MAP2K1: variants seen among roughly 807,000 people sequenced by gnomAD.
The protein encoded by MAP2K1 is mitogen-activated protein kinase kinase 1.
In MAP2K1, 16 loss-of-function variants were observed where a neutral mutation model predicts 46.3. That is an observed-to-expected ratio of 0.35 (90% confidence interval 0.23 to 0.52). The LOEUF (loss-of-function observed/expected upper bound fraction) is 0.52, where lower values mean the gene tolerates loss of function less well. Among genes scored for constraint, MAP2K1 ranks in the 20% least tolerant of loss-of-function variants. The probability of loss-of-function intolerance (pLI) is 0.94; values close to 1 mark genes in which losing one functional copy is unlikely to be tolerated. For missense variants in MAP2K1, 263 were observed against 497.1 expected (o/e 0.53, Z 4.48); for synonymous variants, 183 against 185.6 (o/e 0.99, Z 0.11).
At chr15:66,434,700 G>A (rs1197805064) in intron 1 of MAP2K1, among the ~76,000 whole-genome samples, 1 of 152,180 alleles carries the variant, frequency 6.6e-6, no homozygotes, top group Non-Finnish European at 1.5e-5. Flanking sequence ...GGGTTTTAAA[G>A]CAAATTAAGG....
Position 66,470,288 on chromosome 15 carries a change from G to C in MAP2K1, c.569-11467G>C, listed in dbSNP as rs149597663. On this transcript the variant is annotated intron_variant, in intron 5 of 10. Transcript: ENST00000307102. ...ATCACACAACCTATACAAGTACTGA[G>C]AGCTCTAATGGTAAGGAGAAATTAA... Among the ~76,000 whole-genome samples the C allele has an allele frequency of 4.1e-4, 63 of 152,084 alleles. No individual in the cohort carries two copies. The East Asian group carries it at 7.2e-3, about 17-fold the overall frequency.
intron 10 of MAP2K1, 92 bp from the exon 11 acceptor site, chr15:66,490,410 T>G: frequency 1.1e-6 from 1 of 938,698 alleles, no homozygotes. Context: ...CAGCACAAGC[T>G]CTAGACCTGA....
chr15:66,407,441 A>G (rs1386071669), intron 1 of MAP2K1, among the ~76,000 whole-genome samples: 1 of 152,160 alleles, frequency 6.6e-6, no homozygotes, highest in Non-Finnish European at 1.5e-5. Flanking sequence ...AAAGTGTGAG[A>G]TCTGAGCTCT....
chr15:66,444,938 C>T, intron 5 of MAP2K1: 1 of 535,292 alleles, frequency 1.9e-6, no homozygotes, highest in Non-Finnish European at 3.4e-6. Context: ...TCATAGTCAC[C>T]CTGGAAGCCC....
intron 3 of MAP2K1, among the ~76,000 whole-genome samples, 198 bp from the exon 4 acceptor site, chr15:66,443,082 A>ATTTTTTTTTTTTTTTTTTTTTTTTTTTT (rs398027713): frequency 1.1e-5 from 1 of 91,064 alleles, no homozygotes; most frequent in African/African-American, 4.5e-5. Context: ...TTGTGTGTGT[A>ATTTTTTTTTTTTTTTTTTTTTTTTTTTT]TTTTTTTTTT....
chr15:66,419,797 A>G (rs1315680932), intron 1 of MAP2K1, among the ~76,000 whole-genome samples: 1 of 152,094 alleles, frequency 6.6e-6, no homozygotes, highest in Non-Finnish European at 1.5e-5. Context: ...TTTGATTCCC[A>G]GGGGGTGTTT....
At chr15:66,488,503 A>G (rs1439167063) in intron 8 of MAP2K1, among the ~76,000 whole-genome samples, 3 of 152,148 alleles carry the variant, frequency 2.0e-5, no homozygotes, top group Non-Finnish European at 2.9e-5. Context: ...GCCCAGGTAC[A>G]TAAGTGGGCC....
intron 5 of MAP2K1, among the ~76,000 whole-genome samples, chr15:66,458,751 A>C (rs566956459): frequency 6.6e-6 from 1 of 152,254 alleles, no homozygotes; most frequent in East Asian, 1.9e-4. Context: ...GAACTCCTGG[A>C]CTCAAGTAAT....
In MAP2K1 at chr15:66,420,916, T is replaced by TACATATATATACAC. The variant is rs1299126762; in HGVS notation, c.81-14106_81-14105insTATATACACACATA. On this transcript the variant is annotated intron_variant, in intron 1 of 10. Transcript: ENST00000307102. ...ATACACATACATACATACACACACA[T>TACATATATATACAC]ACATACATATATATACACACATACA... Among the ~76,000 whole-genome samples the TACATATATATACAC allele has an allele frequency of 3.2e-4, 26 of 81,824 alleles. No homozygotes were observed. In the East Asian group the frequency reaches 0.012, roughly 38 times the overall value. The allele number at this position is 81,824 out of a possible 152,430, so 53.7% of individuals were successfully genotyped here.
intron 5 of MAP2K1, among the ~76,000 whole-genome samples, chr15:66,481,376 C>T (rs1291043111): frequency 6.6e-6 from 1 of 152,196 alleles, no homozygotes; most frequent in South Asian, 2.1e-4. Flanking sequence ...CTGCCTCCTT[C>T]ATGATCCAGC....
At chr15:66,439,892 G>A (rs561417447) in intron 3 of MAP2K1, among the ~76,000 whole-genome samples, 12 of 145,772 alleles carry the variant, frequency 8.2e-5, no homozygotes, top group South Asian at 2.2e-4. Context: ...CTGAGACCAC[G>A]CCATTGCACT....
intron 5 of MAP2K1, among the ~76,000 whole-genome samples, chr15:66,480,062 G>A (rs951327522): frequency 5.3e-5 from 8 of 150,082 alleles, no homozygotes; most frequent in Non-Finnish European, 7.4e-5. Flanking sequence ...GCGCCACCAC[G>A]CTAATTTTTT....
intron 1 of MAP2K1, among the ~76,000 whole-genome samples, chr15:66,404,590 A>G (rs1167557357): frequency 6.6e-6 from 1 of 152,248 alleles, no homozygotes; most frequent in African/African-American, 2.4e-5. Context: ...GTAGTTCTAA[A>G]GCATTTCCAG....
intron 1 of MAP2K1, among the ~76,000 whole-genome samples, chr15:66,425,742 G>A (rs924448655): frequency 1.3e-5 from 2 of 152,172 alleles, no homozygotes; most frequent in Non-Finnish European, 2.9e-5. Context: ...GCCACTCGTG[G>A]GTTTTCTGTA....
chr15:66,402,827 C>CT (rs1486054637), intron 1 of MAP2K1, among the ~76,000 whole-genome samples: 3 of 152,082 alleles, frequency 2.0e-5, no homozygotes, highest in African/African-American at 4.8e-5. Flanking sequence ...ACAACTTTTT[C>CT]TTTTCAATGT....
intron 1 of MAP2K1, among the ~76,000 whole-genome samples, chr15:66,420,811 A>ATATATGTGTATATG: frequency 1.3e-5 from 1 of 77,810 alleles, no homozygotes; most frequent in African/African-American, 3.6e-5. Context: ...ATGTGTATAT[A>ATATATGTGTATATG]TATGTGTATA....
chr15:66,416,313 A>T lies in MAP2K1; in HGVS notation c.81-18714A>T, dbSNP rs1472853234. Among the ~76,000 whole-genome samples, 4 of 151,588 alleles carry T rather than the reference A, an allele frequency of 2.6e-5. No homozygotes were observed. In the East Asian group the frequency reaches 7.7e-4, roughly 29 times the overall value. ...GTACTTCTTCTTAGTATCCTTTCCT[A>T]TGTTTGGCTTACATTGTGATACACA... On this transcript the variant is annotated intron_variant, in intron 1 of 10. Transcript: ENST00000307102.
At chr15:66,462,603 G>GAAAAAA (rs56063254) in intron 5 of MAP2K1, among the ~76,000 whole-genome samples, 1 of 148,534 alleles carries the variant, frequency 6.7e-6, no homozygotes, top group Non-Finnish European at 1.5e-5. Context: ...AGATTTTTCT[G>GAAAAAA]AAAAAAAAAA....
intron 1 of MAP2K1, among the ~76,000 whole-genome samples, chr15:66,405,824 G>A (rs1336638128): frequency 6.6e-6 from 1 of 152,206 alleles, no homozygotes. Flanking sequence ...CATTCTTAAT[G>A]TATGAAATAG....
Sources: allele counts gnomAD v4.1 joint callset (sites outside exome capture counted in the v4.1 genomes callset), GRCh38; gene constraint gnomAD v4.1.1; transcripts MANE v1.5; gene names NCBI Gene and HGNC (gene_info 2026-07-23, HGNC 2026-07-21).